CHDH: variants seen among roughly 807,000 people sequenced by gnomAD.
CHDH encodes choline dehydrogenase.
A neutral mutation model predicts 56.9 loss-of-function variants in CHDH; 43 were observed. That is an observed-to-expected ratio of 0.76 (90% CI 0.59 to 0.97). CHDH has a LOEUF of 0.97. Ranked by LOEUF, CHDH falls within the 50% of genes least tolerant of loss-of-function variation. The pLI is 0.00. For missense variants in CHDH, 816 were observed against 821.1 expected (o/e 0.99, Z 0.08); for synonymous variants, 364 against 348.5 (o/e 1.04, Z -0.50).
chr3:53,827,887 T>C (rs1458363730), intron 2 of CHDH, among the ~76,000 whole-genome samples: 5 of 152,108 alleles, frequency 3.3e-5, no homozygotes, highest in Non-Finnish European at 7.4e-5. Flanking sequence ...AACAGACTGG[T>C]TCAAAGTATA....
chr3:53,843,177 TCCC>T (rs1174010295), intron 1 of CHDH, among the ~76,000 whole-genome samples: 2 of 78,628 alleles, frequency 2.5e-5, no homozygotes, highest in East Asian at 5.1e-4. Flanking sequence ...CTAGGGAATT[TCCC>T]CCCCCACCTT....
Position 53,819,692 on chromosome 3 carries a change from A to G in CHDH, c.1121-18T>C. The G allele has an allele frequency of 1.9e-6, 3 of 1,575,162 alleles. No homozygotes were observed. The highest frequency in any genetic ancestry group is 2.6e-6 in the Non-Finnish European group (3 of 1,159,510). The stretch of plus-strand genomic sequence containing the variant: ...TCCCTCCCCTGAGAAGCAGAAGAGG[A>G]TGAGGCAGAAGAGCCAGTCAGGCCG... On this transcript the variant is annotated intron_variant, in intron 6 of 8. Coordinates refer to ENST00000315251, the MANE Select transcript of CHDH (RefSeq NM_018397.5). The surrounding 1 kb of genome is among the most constrained non-coding windows in gnomAD (Gnocchi z 5.4).
rs1475179770 is a variant in CHDH, at chr3:53,846,090, G to A, written c.-138C>T. On this transcript the variant is annotated 5_prime_UTR_variant, in exon 1 of 9. Transcript: ENST00000315251. ...GCCTCCGCGGCTACTCACCCGGGGC[G>A]ACTCGGCCGAGAGCCCGACAGTCGG... 6.6e-6 allele frequency: 1 copy of A among 152,384 alleles called. No homozygotes were observed. Among genetic ancestry groups the A allele is most frequent in the Non-Finnish European group, 1.5e-5 (1 of 68,184 alleles). 9.4% of individuals were successfully genotyped at this position (152,384 alleles called of 1,614,324 possible).
chr3:53,816,412 A>G lies in CHDH; in HGVS notation c.*1365T>C, dbSNP rs2095616072. ...CTTTATTGAATGGTAAGAAATTTAA[A>G]GAGCAAAGAGCTGTTGTAAATGCTA... On this transcript the variant is annotated 3_prime_UTR_variant, in exon 9 of 9. Transcript: ENST00000315251. The G allele has an allele frequency of 1.3e-5, 2 of 152,242 alleles. No individual in the cohort carries two copies. The highest frequency in any genetic ancestry group is 1.3e-4 in the Admixed American group (2 of 15,290). The allele number at this position is 152,242 out of a possible 1,614,324, so 9.4% of individuals were successfully genotyped here. A position where few individuals can be genotyped will look rare whatever the true frequency, so the allele number is the denominator to read the frequency against.
At chr3:53,839,860 C>T (rs546433393) in intron 2 of CHDH, among the ~76,000 whole-genome samples, 173 of 152,324 alleles carry the variant, frequency 1.1e-3, no homozygotes, top group Non-Finnish European at 9.7e-4. Flanking sequence ...GATCCATATA[C>T]ACAATGGAGT....
Position 53,813,075 on chromosome 3 carries a change from T to C in CHDH, c.*4702A>G, listed in dbSNP as rs1258530016. The C allele has an allele frequency of 6.6e-6, 1 of 151,738 alleles. No individual in the cohort carries two copies. The highest frequency in any genetic ancestry group is 2.4e-5 in the African/African-American group (1 of 41,234). The allele number at this position is 151,738 out of a possible 1,614,324, so 9.4% of individuals were successfully genotyped here. On this transcript the variant is annotated 3_prime_UTR_variant, in exon 9 of 9. Transcript: ENST00000315251. ...GATTCCCTGCAATCAAAAAGATAGA[T>C]GATAGGTAGCAATTTTGGTCCAAAA...
intron 1 of CHDH, among the ~76,000 whole-genome samples, chr3:53,842,061 T>C (rs1301667062): frequency 6.6e-6 from 1 of 151,564 alleles, no homozygotes; most frequent in East Asian, 1.9e-4. Context: ...GAGGGTTGCT[T>C]GAGCCCAGTG....
At chr3:53,822,429 G>C in intron 4 of CHDH, 62 bp downstream of exon 4, 2 of 1,505,300 alleles carry the variant, frequency 1.3e-6, no homozygotes, top group South Asian at 2.5e-5. Context: ...CCCACTCTGA[G>C]CTGGACCACC....
At position 53,816,932 on chromosome 3, in the gene CHDH, A is replaced by T; in HGVS notation, c.*845T>A. The T allele has an allele frequency of 6.7e-6, 1 of 148,970 alleles. No individual in the cohort carries two copies. Among genetic ancestry groups the T allele is most frequent in the East Asian group, 2.0e-4 (1 of 5,058 alleles). 9.2% of individuals were successfully genotyped at this position (148,970 alleles called of 1,614,324 possible). A position where few individuals can be genotyped will look rare whatever the true frequency, so the allele number is the denominator to read the frequency against. Reference sequence around the variant, plus strand: ...GCCATCAGGGTTCACAGGAGCCTCAACCTCCTGGGCTAAAGCCATCCTCCC... The same window carrying T: ...GCCATCAGGGTTCACAGGAGCCTCATCCTCCTGGGCTAAAGCCATCCTCCC... On this transcript the variant is annotated 3_prime_UTR_variant, in exon 9 of 9. Coordinates refer to ENST00000315251, the MANE Select transcript of CHDH (RefSeq NM_018397.5).
chr3:53,831,939 C>T (rs1462846070), intron 2 of CHDH, among the ~76,000 whole-genome samples: 5 of 149,780 alleles, frequency 3.3e-5, no homozygotes. Flanking sequence ...GGCAACAGAG[C>T]CAGACTCCAT....
At chr3:53,822,832 C>T (rs918176584) in intron 3 of CHDH, among the ~76,000 whole-genome samples, 190 bp from the exon 4 acceptor site, 17 of 152,192 alleles carry the variant, frequency 1.1e-4, no homozygotes, top group African/African-American at 4.1e-4. Flanking sequence ...CTGGGGTCCC[C>T]TGGAGGCAGG....
At chr3:53,833,704 C>T (rs1174467318) in intron 2 of CHDH, among the ~76,000 whole-genome samples, 1 of 152,150 alleles carries the variant, frequency 6.6e-6, no homozygotes, top group Non-Finnish European at 1.5e-5. Flanking sequence ...TGCCTGCACT[C>T]CCAGCCCACT....
rs2095623113 is a variant in CHDH, at chr3:53,819,988, C to T, written c.1121-314G>A. ...TACCTAGCACAGCACACAGCACATACTAGGTGTGTGAGAAATACAGACTGA... is the reference window on the plus strand; with the variant it reads ...TACCTAGCACAGCACACAGCACATATTAGGTGTGTGAGAAATACAGACTGA... On this transcript the variant is annotated intron_variant, in intron 6 of 8. Transcript: ENST00000315251. The surrounding 1 kb of genome is among the most constrained non-coding windows in gnomAD (Gnocchi z 5.4). Among the ~76,000 whole-genome samples, 1 of 152,234 alleles carries T rather than the reference C, an allele frequency of 6.6e-6. No homozygotes were observed. Among genetic ancestry groups the T allele is most frequent in the Non-Finnish European group, 1.5e-5 (1 of 68,030 alleles).
chr3:53,819,781 C>G lies in CHDH; in HGVS notation c.1121-107G>C. On this transcript the variant is annotated intron_variant, in intron 6 of 8. Transcript: ENST00000315251. This position sits in a 1 kb window ranked among gnomAD's most constrained non-coding sequence, Gnocchi z 5.4. ...TCCTGGCCGCTCCTCTTCCTTTTCCCGGACTCCACTCTAGTGCCTGGACCC... is the reference window on the plus strand; with the variant it reads ...TCCTGGCCGCTCCTCTTCCTTTTCCGGGACTCCACTCTAGTGCCTGGACCC... The G allele has an allele frequency of 7.4e-7, 1 of 1,348,006 alleles. No individual in the cohort carries two copies. The highest frequency in any genetic ancestry group is 9.9e-7 in the Non-Finnish European group (1 of 1,006,796). 83.5% of individuals were successfully genotyped at this position (1,348,006 alleles called of 1,614,324 possible).
intron 1 of CHDH, among the ~76,000 whole-genome samples, chr3:53,844,944 GA>G (rs1419223745): frequency 6.6e-6 from 1 of 152,250 alleles, no homozygotes; most frequent in African/African-American, 2.4e-5. Flanking sequence ...TTGTGTCCTT[GA>G]AAATAATTCT....
Position 53,823,343 on chromosome 3 carries a change from C to A in CHDH, c.666G>T (p.Gln222His). The change falls in exon 3 of 9, where the codon CAG becomes CAT. Residue 222 changes from glutamine (Q) to histidine (H), a missense_variant. Coordinates refer to ENST00000315251, the MANE Select transcript of CHDH (RefSeq NM_018397.5). ...TCATGTCCATCCAGCCGAAGCCCTC[C>A]TGCTGGAAGCCATTCATGTCCTCGG... ...PLTEDMNGFQ[Q>H]EGFGWMDMTI... is the part of the protein sequence containing the mutation. The A allele has an allele frequency of 6.3e-7, 1 of 1,594,970 alleles. No individual in the cohort carries two copies. Among genetic ancestry groups the A allele is most frequent in the South Asian group, 1.1e-5 (1 of 88,614 alleles).
At chr3:53,839,834 G>C (rs917437237) in intron 2 of CHDH, among the ~76,000 whole-genome samples, 1 of 152,186 alleles carries the variant, frequency 6.6e-6, no homozygotes, top group Non-Finnish European at 1.5e-5. Flanking sequence ...TGGACAAACA[G>C]ATTTTTTAAA....
rs11714712 is a variant in CHDH, at chr3:53,816,828, A to G, written c.*949T>C. 4.7e-5 allele frequency: 7 copies of G among 148,354 alleles called. No homozygotes were observed. Among genetic ancestry groups the G allele is most frequent in the Admixed American group, 4.1e-4 (6 of 14,566 alleles). 9.2% of individuals were successfully genotyped at this position (148,354 alleles called of 1,614,324 possible). ...CTCCTCTCCCCTTGAATAAGGTCCA[A>G]AAAAATCTCAGGTTTTTTTTTTTTT... On this transcript the variant is annotated 3_prime_UTR_variant, in exon 9 of 9. Coordinates refer to ENST00000315251, the MANE Select transcript of CHDH (RefSeq NM_018397.5).
chr3:53,835,133 GA>G (rs1252544381), intron 2 of CHDH, among the ~76,000 whole-genome samples: 1 of 152,160 alleles, frequency 6.6e-6, no homozygotes, highest in Non-Finnish European at 1.5e-5. Context: ...CACAACCATA[GA>G]AAAACAAGCA....
Sources: gnomAD v4.1 joint callset for allele counts (sites outside exome capture counted in the v4.1 genomes callset) on GRCh38, gnomAD v4.1.1 for gene constraint, Gnocchi (gnomAD v3.1) non-coding constraint, MANE v1.5 for transcripts, NCBI Gene and HGNC (gene_info 2026-07-23, HGNC 2026-07-21) for gene names.